Variants in CCDC102B observed in about 807,000 individuals in gnomAD.
CCDC102B encodes coiled-coil domain containing 102B.
Under a neutral mutation model 57.4 loss-of-function variants are expected in CCDC102B, and 75 were observed. That is an observed-to-expected ratio of 1.31 (90% CI 1.08 to 1.58). CCDC102B has a LOEUF of 1.58. Among genes scored for constraint, CCDC102B ranks in the 40% most tolerant of loss-of-function variants. The pLI is 0.00. For synonymous variants in CCDC102B, 206 were observed against 201.9 expected, an observed-to-expected ratio of 1.02 and a Z score of -0.17; for missense variants, 636 against 582.6, an observed-to-expected ratio of 1.09 and a Z score of -0.94.
intron 2 of CCDC102B, among the ~76,000 whole-genome samples, chr18:68,743,567 T>G (rs1488823979): frequency 1.3e-5 from 2 of 152,200 alleles, no homozygotes; most frequent in African/African-American, 4.8e-5. Flanking sequence ...TCTCAAACGC[T>G]CAATGCTTGC....
At chr18:68,811,728 G>A (rs2036273543) in intron 1 of CCDC102B, among the ~76,000 whole-genome samples, 1 of 152,178 alleles carries the variant, frequency 6.6e-6, no homozygotes, top group South Asian at 2.1e-4. Flanking sequence ...AGATTGAAAG[G>A]AAGAAGGCTT....
chr18:68,973,679 TATC>T (rs1399703848), intron 6 of CCDC102B, among the ~76,000 whole-genome samples: 1 of 152,098 alleles, frequency 6.6e-6, no homozygotes, highest in African/African-American at 2.4e-5. Context: ...TCTTGTAAAA[TATC>T]ATTACGGATT....
At chr18:68,995,152 T>C (rs2050988314) in intron 6 of CCDC102B, among the ~76,000 whole-genome samples, 1 of 152,146 alleles carries the variant, frequency 6.6e-6, no homozygotes, top group African/African-American at 2.4e-5. Context: ...TAAAGATCTG[T>C]GGAACTTTGA....
At chr18:69,008,579 G>A (rs1182299125) in intron 6 of CCDC102B, among the ~76,000 whole-genome samples, 2 of 152,168 alleles carry the variant, frequency 1.3e-5, no homozygotes, top group Non-Finnish European at 2.9e-5. Context: ...GTGGATACTA[G>A]GAGGTGGACA....
At chr18:68,827,038 G>A (rs929001011) in intron 1 of CCDC102B, among the ~76,000 whole-genome samples, 26 of 151,736 alleles carry the variant, frequency 1.7e-4, no homozygotes, top group Admixed American at 1.7e-3. Flanking sequence ...ATTTTTAAGT[G>A]TTGAAAAAAA....
chr18:68,760,441 C>T (rs1208747760), intron 2 of CCDC102B, among the ~76,000 whole-genome samples: 1 of 151,994 alleles, frequency 6.6e-6, no homozygotes, highest in African/African-American at 2.4e-5. Flanking sequence ...CATTGTATTA[C>T]TTTATTTCAA....
chr18:69,022,129 C>G (rs2051851662), intron 7 of CCDC102B, among the ~76,000 whole-genome samples: 1 of 151,450 alleles, frequency 6.6e-6, no homozygotes, highest in South Asian at 2.1e-4. Context: ...AGACCATGGT[C>G]TTTTGTTAGC....
At chr18:68,855,810 G>T (rs2038358218) in intron 4 of CCDC102B, among the ~76,000 whole-genome samples, 3 of 151,896 alleles carry the variant, frequency 2.0e-5, no homozygotes, top group Admixed American at 6.6e-5. Flanking sequence ...TATACATGAT[G>T]TTTTTTTGAA....
At chr18:68,952,640 A>T (rs1212927098) in intron 6 of CCDC102B, among the ~76,000 whole-genome samples, 1 of 152,124 alleles carries the variant, frequency 6.6e-6, no homozygotes, top group Non-Finnish European at 1.5e-5. Context: ...TAAAAGTTTG[A>T]TCAAGCCAAA....
intron 6 of CCDC102B, among the ~76,000 whole-genome samples, chr18:68,937,082 C>T (rs773641922): frequency 7.2e-5 from 11 of 151,918 alleles, no homozygotes; most frequent in South Asian, 2.1e-4. Context: ...TTAAAGATGT[C>T]GTATTTAATA....
At chr18:68,870,294 C>G (rs1223867371) in intron 4 of CCDC102B, among the ~76,000 whole-genome samples, 1 of 152,062 alleles carries the variant, frequency 6.6e-6, no homozygotes, top group African/African-American at 2.4e-5. Flanking sequence ...ACCACCATGA[C>G]ACATGTATAC....
chr18:68,925,415 C>G (rs536574737), intron 6 of CCDC102B, among the ~76,000 whole-genome samples: 3 of 152,032 alleles, frequency 2.0e-5, no homozygotes, highest in Non-Finnish European at 4.4e-5. Flanking sequence ...AAGGGGAGGC[C>G]TGAGTCTGTT....
intron 2 of CCDC102B, among the ~76,000 whole-genome samples, chr18:68,755,740 T>A (rs527270475): frequency 3.3e-4 from 50 of 151,780 alleles, no homozygotes; most frequent in African/African-American, 1.2e-3. Context: ...AAAATTGTAT[T>A]AATGATCAAA....
intron 5 of CCDC102B, among the ~76,000 whole-genome samples, chr18:68,895,592 T>C: frequency 6.6e-6 from 1 of 151,732 alleles, no homozygotes; most frequent in East Asian, 1.9e-4. Flanking sequence ...TTTTTATCCT[T>C]TTGAGATATT....
chr18:69,056,781 T>C (rs1400014773), downstream of CCDC102B, among the ~76,000 whole-genome samples: 1 of 151,916 alleles, frequency 6.6e-6, no homozygotes, highest in Non-Finnish European at 1.5e-5. Context: ...AACACATAAG[T>C]TTACCACCTT....
At chr18:68,786,076 T>A (rs2035198051) in intron 2 of CCDC102B, among the ~76,000 whole-genome samples, 1 of 150,648 alleles carries the variant, frequency 6.6e-6, no homozygotes, top group Non-Finnish European at 1.5e-5. Flanking sequence ...CACCATTTAT[T>A]AAACAGGGAA....
intron 2 of CCDC102B, among the ~76,000 whole-genome samples, chr18:68,776,701 A>T (rs1205680142): frequency 6.6e-6 from 1 of 152,122 alleles, no homozygotes; most frequent in East Asian, 1.9e-4. Flanking sequence ...AGGAAAAATA[A>T]CTAATGGGTA....
intron 6 of CCDC102B, among the ~76,000 whole-genome samples, chr18:68,931,126 TG>T (rs961362420): frequency 1.3e-5 from 2 of 151,866 alleles, no homozygotes; most frequent in African/African-American, 2.4e-5. Context: ...GATGACATTG[TG>T]GCCACATTTT....
chr18:68,835,770 T>C (rs936920054), intron 1 of CCDC102B, among the ~76,000 whole-genome samples: 3 of 152,212 alleles, frequency 2.0e-5, no homozygotes, highest in Admixed American at 2.0e-4. Flanking sequence ...AAGGCTGTTA[T>C]ACTCACCTTC....
Sources: allele counts gnomAD v4.1 joint callset (sites outside exome capture counted in the v4.1 genomes callset), GRCh38; gene constraint gnomAD v4.1.1; transcripts MANE v1.5; gene names NCBI Gene and HGNC (gene_info 2026-07-23, HGNC 2026-07-21).